SYNDIG1L: variants seen among roughly 807,000 people sequenced by gnomAD.
The protein encoded by SYNDIG1L is synapse differentiation-inducing gene protein 1-like.
SYNDIG1L carries 13 observed loss-of-function variants against 20.1 expected under a neutral mutation model. That is an observed-to-expected ratio of 0.65 (90% CI 0.42 to 1.03). The LOEUF is 1.03. Among genes scored for constraint, SYNDIG1L ranks in the 50% least tolerant of loss-of-function variants. The probability of loss-of-function intolerance (pLI) is 0.00; values close to 1 mark genes in which losing one functional copy is unlikely to be tolerated. For synonymous variants in SYNDIG1L, 128 were observed against 129.3 expected (o/e 0.99, Z 0.07); for missense variants, 294 against 305.1 (o/e 0.96, Z 0.27).
the SYNDIG1L span, among the ~76,000 whole-genome samples, chr14:74,476,952 CAA>C: frequency 1.3e-5 from 2 of 151,892 alleles, no homozygotes; most frequent in East Asian, 3.9e-4. Context: ...TCAAATCCTT[CAA>C]AGACTTTCAG....
chr14:74,415,767 C>T (rs2086169459), intron 1 of SYNDIG1L, among the ~76,000 whole-genome samples: 1 of 152,042 alleles, frequency 6.6e-6, no homozygotes, highest in Non-Finnish European at 1.5e-5. Context: ...TCTCAAACTC[C>T]TGGGCTCAAG....
the SYNDIG1L span, among the ~76,000 whole-genome samples, chr14:74,447,751 A>G: frequency 3.9e-5 from 6 of 152,310 alleles, no homozygotes; most frequent in African/African-American, 1.2e-4. Flanking sequence ...TCTTAGTCTA[A>G]TGGTAAAATA....
chr14:74,434,878 G>C, the SYNDIG1L span, among the ~76,000 whole-genome samples: 1 of 148,596 alleles, frequency 6.7e-6, no homozygotes. Context: ...TCAGGAGATC[G>C]AGACCATCCT....
the SYNDIG1L span, among the ~76,000 whole-genome samples, chr14:74,467,551 G>A: frequency 6.6e-6 from 1 of 152,226 alleles, no homozygotes. Flanking sequence ...TTTGCAGGAG[G>A]TGGCAAGACT....
intron 1 of SYNDIG1L, among the ~76,000 whole-genome samples, chr14:74,410,391 G>A (rs559452869): frequency 1.8e-4 from 27 of 152,310 alleles, no homozygotes; most frequent in African/African-American, 6.3e-4. Context: ...GGAAAAGGCA[G>A]GTGTGGTGCA....
chr14:74,432,325 C>T, the SYNDIG1L span, among the ~76,000 whole-genome samples: 2 of 152,224 alleles, frequency 1.3e-5, no homozygotes, highest in African/African-American at 4.8e-5. Context: ...CTGTGCATTA[C>T]AGCAAACACA....
upstream of SYNDIG1L, among the ~76,000 whole-genome samples, chr14:74,426,361 G>A (rs2086266556): frequency 6.6e-6 from 1 of 151,476 alleles, no homozygotes; most frequent in African/African-American, 2.4e-5. Context: ...GCGGGAAGTC[G>A]GGGGAGCCCG....
chr14:74,478,141 A>C, the SYNDIG1L span, among the ~76,000 whole-genome samples: 3 of 152,132 alleles, frequency 2.0e-5, no homozygotes, highest in Non-Finnish European at 2.9e-5. Context: ...CACCCTTTTC[A>C]TTATCACTCC....
chr14:74,477,521 T>TAA, the SYNDIG1L span, among the ~76,000 whole-genome samples: 5 of 144,820 alleles, frequency 3.5e-5, no homozygotes, highest in African/African-American at 1.3e-4. Flanking sequence ...GACTTTGTGT[T>TAA]AAAAAAAAAA....
At position 74,409,555 on chromosome 14, in the gene SYNDIG1L, C is replaced by T. The variant is rs371094082; in HGVS notation, c.190G>A (p.Val64Met). ...CAGCTGGGCCGGTACCAGGCCTCCACGGCCAGCTGCAGGGACCCTGGGTCC... is the reference window on the plus strand; with the variant it reads ...CAGCTGGGCCGGTACCAGGCCTCCATGGCCAGCTGCAGGGACCCTGGGTCC... Reference protein sequence around the residue: ...LLDPGSLQLAVEAWYRPSCLL... With the variant: ...LLDPGSLQLAMEAWYRPSCLL... The change falls in exon 2 of 4, where the codon GTG becomes ATG. Residue 64 changes from valine (V) to methionine (M), a missense_variant. Coordinates refer to ENST00000331628, the MANE Select transcript of SYNDIG1L (RefSeq NM_001105579.2). The T allele has an allele frequency of 2.5e-5, 38 of 1,540,164 alleles. No individual in the cohort carries two copies. The highest frequency in any genetic ancestry group is 9.7e-5 in the African/African-American group (7 of 72,176).
At chr14:74,466,609 A>G in the SYNDIG1L span, among the ~76,000 whole-genome samples, 2 of 152,126 alleles carry the variant, frequency 1.3e-5, no homozygotes, top group African/African-American at 4.8e-5. Flanking sequence ...CTCCCCCTTC[A>G]TGAACAAGGG....
At chr14:74,441,161 C>T in the SYNDIG1L span, among the ~76,000 whole-genome samples, 8 of 152,308 alleles carry the variant, frequency 5.3e-5, no homozygotes, top group East Asian at 5.8e-4. Context: ...ATTTGCTTGT[C>T]GGATAGCCCT....
chr14:74,478,687 T>G, the SYNDIG1L span, among the ~76,000 whole-genome samples: 1 of 152,190 alleles, frequency 6.6e-6, no homozygotes, highest in Non-Finnish European at 1.5e-5. Context: ...AAAGTTCTTG[T>G]GCACAGAGGA....
the SYNDIG1L span, among the ~76,000 whole-genome samples, chr14:74,471,247 G>A: frequency 7.9e-5 from 12 of 152,124 alleles, no homozygotes; most frequent in Admixed American, 7.2e-4. Context: ...AGAGAGACAC[G>A]GAAGTAGTTC....
the SYNDIG1L span, among the ~76,000 whole-genome samples, chr14:74,460,755 C>G: frequency 6.6e-6 from 1 of 152,190 alleles, no homozygotes; most frequent in African/African-American, 2.4e-5. Flanking sequence ...CCCACCTCAG[C>G]CTCCCATGTA....
upstream of SYNDIG1L, among the ~76,000 whole-genome samples, chr14:74,430,984 A>ATCAATACC (rs1204312853): frequency 6.6e-6 from 1 of 152,222 alleles, no homozygotes; most frequent in Non-Finnish European, 1.5e-5. Flanking sequence ...ATAGTCAGAG[A>ATCAATACC]TCAATACCAA....
chr14:74,431,749 A>C, the SYNDIG1L span, among the ~76,000 whole-genome samples: 2 of 152,162 alleles, frequency 1.3e-5, no homozygotes, highest in Non-Finnish European at 2.9e-5. Flanking sequence ...AAATAACTTC[A>C]AAATGTACAG....
rs556143661 is a variant in SYNDIG1L at position 74,406,323 on chromosome 14, C to A, written c.*1212G>T. On this transcript the variant is annotated 3_prime_UTR_variant, in exon 4 of 4. Coordinates refer to ENST00000331628, the MANE Select transcript of SYNDIG1L (RefSeq NM_001105579.2). Reference sequence around the variant, plus strand: ...ATTGGTCTTTGAGAGACAGGTGTGACGTTCCTCCTTGAGTTGGCAGAACCC... The same window carrying A: ...ATTGGTCTTTGAGAGACAGGTGTGAAGTTCCTCCTTGAGTTGGCAGAACCC... 231 of 372,422 alleles carry A rather than the reference C, an allele frequency of 6.2e-4. 2 individuals carry two copies. The South Asian group carries it at 0.017, about 27-fold the overall frequency. 23.1% of individuals were successfully genotyped at this position (372,422 alleles called of 1,614,324 possible).
At chr14:74,441,218 A>T in the SYNDIG1L span, among the ~76,000 whole-genome samples, 1 of 152,150 alleles carries the variant, frequency 6.6e-6, no homozygotes, top group Admixed American at 6.5e-5. Context: ...TAATCCTGGA[A>T]AGTTGGAATA....
Sources: allele counts gnomAD v4.1 joint callset (sites outside exome capture counted in the v4.1 genomes callset), GRCh38; gene constraint gnomAD v4.1.1; transcripts MANE v1.5; gene names NCBI Gene and HGNC (gene_info 2026-07-23, HGNC 2026-07-21).